The following GNA12 variants were observed in gnomAD, a reference collection of about 807,000 sequenced individuals.
GNA12 encodes the protein G protein subunit alpha 12.
Under a neutral mutation model 26.0 loss-of-function variants are expected in GNA12, and 9 were observed. That is an observed-to-expected ratio of 0.35 (90% CI 0.21 to 0.60). The LOEUF is 0.60. Ranked by LOEUF, GNA12 falls within the 20% of genes least tolerant of loss-of-function variation. The pLI is 0.78. For missense variants in GNA12, 405 were observed against 525.8 expected, an observed-to-expected ratio of 0.77 and a Z score of 2.25; for synonymous variants, 264 against 219.6, an observed-to-expected ratio of 1.20 and a Z score of -1.79.
intron 2 of GNA12, among the ~76,000 whole-genome samples, chr7:2,759,502 T>C (rs1428965443): frequency 2.0e-5 from 3 of 152,174 alleles, no homozygotes; most frequent in South Asian, 2.1e-4. Context: ...TGTTTAGGAA[T>C]AGGTGGTAAA....
intron 2 of GNA12, among the ~76,000 whole-genome samples, chr7:2,792,712 G>A (rs936330663): frequency 3.9e-5 from 6 of 152,076 alleles, no homozygotes; most frequent in Non-Finnish European, 8.8e-5. Context: ...CCTTTCTACC[G>A]CAACCACATC....
In GNA12 at chr7:2,783,964, C is replaced by T. The variant is rs544528025; in HGVS notation, c.525+10964G>A. On this transcript the variant is annotated intron_variant, in intron 2 of 3. Coordinates refer to ENST00000275364, the MANE Select transcript of GNA12 (RefSeq NM_007353.3). ...CCTCCCAAAGTGCTGGGATTACAGG[C>T]GTAAGCCACCATGCCTGGCCTAATA... 1.6e-3 allele frequency among the ~76,000 whole-genome samples: 236 copies of T among 152,170 alleles called. 2 individuals carry two copies. Among genetic ancestry groups the T allele is most frequent in the African/African-American group, 5.1e-3 (212 of 41,522 alleles).
chr7:2,814,937 T>C (rs1240385044), intron 1 of GNA12: 21 of 1,585,974 alleles, frequency 1.3e-5, no homozygotes, highest in Non-Finnish European at 1.7e-5. Context: ...TCATTTCAAA[T>C]GCCTACAATA....
At chr7:2,761,541 C>T (rs1055346688) in intron 2 of GNA12, among the ~76,000 whole-genome samples, 3 of 152,220 alleles carry the variant, frequency 2.0e-5, no homozygotes, top group South Asian at 2.1e-4. Flanking sequence ...CGGACAGCAT[C>T]GCCCTCCAGA....
chr7:2,775,819 G>A lies in GNA12; in HGVS notation c.525+19109C>T, dbSNP rs139095494. ...AATCACCTAAGGAGCCTCCCACAGA[G>A]CTGGCAGAGTCCTCCCCTCCCTTCA... On this transcript the variant is annotated intron_variant, in intron 2 of 3. Coordinates refer to ENST00000275364, the MANE Select transcript of GNA12 (RefSeq NM_007353.3). 4.2e-3 allele frequency among the ~76,000 whole-genome samples: 645 copies of A among 152,328 alleles called. 7 individuals carry two copies. The highest frequency in any genetic ancestry group is 0.015 in the African/African-American group (612 of 41,576).
At chr7:2,812,698 G>C (rs548371057) in intron 1 of GNA12, among the ~76,000 whole-genome samples, 18 of 107,016 alleles carry the variant, frequency 1.7e-4, no homozygotes, top group Admixed American at 7.2e-4. Context: ...CATCACATCA[G>C]GGGCTTTGTG....
At chr7:2,759,232 C>T (rs1447689069) in intron 2 of GNA12, among the ~76,000 whole-genome samples, 1 of 151,336 alleles carries the variant, frequency 6.6e-6, no homozygotes, top group Non-Finnish European at 1.5e-5. Flanking sequence ...AAATATAACG[C>T]TGAAGAAATA....
At chr7:2,769,098 T>G (rs1182208) in intron 2 of GNA12, among the ~76,000 whole-genome samples, 36,062 of 151,924 alleles carry the variant, frequency 0.24, 5,049 homozygotes, top group Non-Finnish European at 0.29. Flanking sequence ...GAGACAAGGT[T>G]TCACCATGGT....
At chr7:2,828,788 G>A (rs988172574) in intron 1 of GNA12, among the ~76,000 whole-genome samples, 8 of 152,338 alleles carry the variant, frequency 5.3e-5, no homozygotes, top group African/African-American at 1.9e-4. Context: ...AGGCACGGTG[G>A]CTCACGCCTG....
At chr7:2,838,281 A>T (rs1365387533) in intron 1 of GNA12, among the ~76,000 whole-genome samples, 1 of 55,774 alleles carries the variant, frequency 1.8e-5, no homozygotes, top group East Asian at 3.1e-4. Flanking sequence ...CATTATACTT[A>T]AAAAAAAAAA....
intron 2 of GNA12, among the ~76,000 whole-genome samples, chr7:2,750,707 G>T (rs558878712): frequency 9.2e-5 from 14 of 152,322 alleles, no homozygotes; most frequent in African/African-American, 3.4e-4. Context: ...GGGACTATTG[G>T]ACAGGCATGT....
At chr7:2,806,416 C>A (rs1473677839) in intron 1 of GNA12, among the ~76,000 whole-genome samples, 2 of 135,774 alleles carry the variant, frequency 1.5e-5, no homozygotes, top group African/African-American at 2.8e-5. Flanking sequence ...GATTGCACCA[C>A]TGCAGCACTC....
intron 2 of GNA12, among the ~76,000 whole-genome samples, chr7:2,752,653 G>A (rs897441248): frequency 3.3e-5 from 5 of 152,184 alleles, no homozygotes; most frequent in African/African-American, 9.7e-5. Flanking sequence ...TTTACATACT[G>A]CCAATAACCC....
intron 2 of GNA12, among the ~76,000 whole-genome samples, chr7:2,734,659 C>A (rs1466566795): frequency 6.6e-6 from 1 of 152,236 alleles, no homozygotes; most frequent in African/African-American, 2.4e-5. Context: ...GAGGAAGCTC[C>A]TTCAGGGAGG....
At chr7:2,812,634 ATAACATCACATCAC>A in intron 1 of GNA12, among the ~76,000 whole-genome samples, 1 of 149,282 alleles carries the variant, frequency 6.7e-6, no homozygotes, top group African/African-American at 2.5e-5. Context: ...CATCTCAAAA[ATAACATCACATCAC>A]ATCACATCAC....
chr7:2,796,040 T>C (rs772767191), intron 1 of GNA12, among the ~76,000 whole-genome samples: 1 of 151,998 alleles, frequency 6.6e-6, no homozygotes, highest in Non-Finnish European at 1.5e-5. Flanking sequence ...AATTTTTGTA[T>C]TTTTAGTAGA....
chr7:2,820,091 G>A (rs1793316298), intron 1 of GNA12, among the ~76,000 whole-genome samples: 1 of 152,178 alleles, frequency 6.6e-6, no homozygotes, highest in South Asian at 2.1e-4. Flanking sequence ...TTGAAGAAAC[G>A]ATGCTAAGAA....
Position 2,824,978 on chromosome 7 carries a change from C to A in GNA12, c.309+18875G>T, listed in dbSNP as rs537997847. Among the ~76,000 whole-genome samples, 5 of 152,220 alleles carry A rather than the reference C, an allele frequency of 3.3e-5. No homozygotes were observed. The South Asian group carries it at 1.0e-3, about 32-fold the overall frequency. On this transcript the variant is annotated intron_variant, in intron 1 of 3. Transcript: ENST00000275364. The stretch of plus-strand genomic sequence containing the variant: ...GAGGAGGCCCCTCTCCCTCAGGCCC[C>A]GTGAGGGTGAGGTCTGCACCTGCGG...
rs150775005 is a variant in GNA12 at position 2,815,474 on chromosome 7, T to C, written c.310-20331A>G. Among the ~76,000 whole-genome samples the C allele has an allele frequency of 7.3e-3, 1,117 of 152,254 alleles. 10 individuals are homozygous for C. The highest frequency in any genetic ancestry group is 0.02 in the African/African-American group (827 of 41,544). On this transcript the variant is annotated intron_variant, in intron 1 of 3. Coordinates refer to ENST00000275364, the MANE Select transcript of GNA12 (RefSeq NM_007353.3). ...GCGCAGGTTGGAGTGCAGGGCTATATTGGCGGCCCAGGCTCCACACTGCAG... is the reference window on the plus strand; with the variant it reads ...GCGCAGGTTGGAGTGCAGGGCTATACTGGCGGCCCAGGCTCCACACTGCAG...
Sources: allele counts gnomAD v4.1 joint callset (sites outside exome capture counted in the v4.1 genomes callset), GRCh38; gene constraint gnomAD v4.1.1; transcripts MANE v1.5; gene names NCBI Gene and HGNC (gene_info 2026-07-23, HGNC 2026-07-21).